TAF3: variants seen among roughly 807,000 people sequenced by gnomAD.
The protein encoded by TAF3 is transcription initiation factor TFIID subunit 3.
TAF3 carries 7 observed loss-of-function variants against 80.6 expected under a neutral mutation model. The ratio of observed to expected loss-of-function variants is 0.09; its 90% confidence interval spans 0.05 to 0.16. The LOEUF (loss-of-function observed/expected upper bound fraction) is 0.16, where lower values mean the gene tolerates loss of function less well. TAF3 is among the 10% of genes least tolerant of loss of function. TAF3 has a pLI of 1.00. For synonymous variants in TAF3, 444 were observed against 446.1 expected, an observed-to-expected ratio of 1.00 and a Z score of 0.06; for missense variants, 921 against 1,140.2, an observed-to-expected ratio of 0.81 and a Z score of 2.77.
intron 2 of TAF3, among the ~76,000 whole-genome samples, chr10:7,831,958 A>G (rs895826875): frequency 6.6e-6 from 1 of 151,994 alleles, no homozygotes; most frequent in African/African-American, 2.4e-5. Flanking sequence ...AAGCGATGTT[A>G]TGTTTTATAA....
intron 2 of TAF3, among the ~76,000 whole-genome samples, chr10:7,832,371 T>A (rs1220369572): frequency 1.3e-5 from 2 of 150,614 alleles, no homozygotes; most frequent in Non-Finnish European, 3.0e-5. Context: ...ATGACAAAAT[T>A]TCCTTCTTTT....
chr10:7,969,256 CTGCACTTCAGCTTGGGCAACAGAG>C (rs1452513213), intron 3 of TAF3, among the ~76,000 whole-genome samples: 7 of 151,990 alleles, frequency 4.6e-5, no homozygotes, highest in Non-Finnish European at 7.4e-5. Flanking sequence ...GATAGCACCA[CTGCACTTCAGCTTGGGCAACAGAG>C]TGAGACCCTG....
chr10:7,931,395 A>T (rs143980172), intron 2 of TAF3, among the ~76,000 whole-genome samples: 125 of 152,240 alleles, frequency 8.2e-4, no homozygotes, highest in African/African-American at 2.9e-3. Context: ...ATTCATTATG[A>T]CAGAGTCCCC....
intron 4 of TAF3, among the ~76,000 whole-genome samples, chr10:7,988,709 A>C (rs896683094): frequency 6.9e-6 from 1 of 144,512 alleles, no homozygotes; most frequent in Non-Finnish European, 1.5e-5. Context: ...TGTGATCACC[A>C]CTGCACTCCA....
rs1002383527 is a variant in TAF3 at position 7,954,226 on chromosome 10, C to A, written c.410-9694C>A. On this transcript the variant is annotated intron_variant, in intron 2 of 6. Transcript: ENST00000344293. ...AGTCCTAGTTAACACAGAGCTCTTC[C>A]TAGTGAGATTCAGAGTGCACTCCAT... 8.7e-5 allele frequency among the ~76,000 whole-genome samples: 11 copies of A among 125,748 alleles called. 2 individuals are homozygous for A. Among genetic ancestry groups the A allele is most frequent in the Admixed American group, 1.6e-4 (2 of 12,166 alleles). The allele number at this position is 125,748 out of a possible 152,430, so 82.5% of individuals were successfully genotyped here.
intron 2 of TAF3, among the ~76,000 whole-genome samples, chr10:7,946,964 A>C (rs1838030872): frequency 6.6e-6 from 1 of 152,160 alleles, no homozygotes; most frequent in Non-Finnish European, 1.5e-5. Context: ...TTCTCGCTAC[A>C]CTGCCCAGGC....
intron 2 of TAF3, among the ~76,000 whole-genome samples, chr10:7,951,344 C>T (rs1015845413): frequency 5.3e-5 from 8 of 152,210 alleles, no homozygotes; most frequent in Non-Finnish European, 7.3e-5. Flanking sequence ...TTCTGCTGGA[C>T]GAGGCTGGGA....
chr10:7,859,033 C>T (rs902163496), intron 2 of TAF3, among the ~76,000 whole-genome samples: 13 of 152,088 alleles, frequency 8.5e-5, no homozygotes, highest in Non-Finnish European at 1.3e-4. Context: ...GAGGCTGAGG[C>T]GGGCAGATCA....
chr10:7,848,799 AATATGCCTTTATATATCT>A (rs1411515797), intron 2 of TAF3, among the ~76,000 whole-genome samples: 1 of 152,192 alleles, frequency 6.6e-6, no homozygotes, highest in Non-Finnish European at 1.5e-5. Flanking sequence ...ACTTTATGCC[AATATGCCTTTATATATCT>A]ATATGCCACA....
chr10:7,979,585 A>G (rs1279320768), intron 4 of TAF3, among the ~76,000 whole-genome samples: 3 of 152,200 alleles, frequency 2.0e-5, no homozygotes, highest in Admixed American at 1.3e-4. Context: ...AGCATATTAT[A>G]TATCATGTAA....
In TAF3 at chr10:7,964,841, C is replaced by T; in HGVS notation, c.1331C>T (p.Thr444Ile). 1 of 1,614,166 alleles carries T rather than the reference C, an allele frequency of 6.2e-7. No individual in the cohort carries two copies. Among genetic ancestry groups the T allele is most frequent in the Non-Finnish European group, 8.5e-7 (1 of 1,180,026 alleles). Residue 444 changes from threonine (T) to isoleucine (I), a missense_variant, in exon 3 of 7, where the codon ACA becomes ATA. Thr to Ile is a moderately conservative substitution (Grantham distance 89, BLOSUM62 -1). Transcript: ENST00000344293. This position sits in a 1 kb window ranked among gnomAD's most constrained non-coding sequence, Gnocchi z 4.1. ...GCTTCCACTTCCGCGAACAATTTCA[C>T]AAAGTCAGGATCCACTCCTCTGCCT... ...PKASTSANNFTKSGSTPLPLS... is the reference protein window; with the variant it reads ...PKASTSANNFIKSGSTPLPLS...
At chr10:7,857,178 T>G (rs2131131589) in intron 2 of TAF3, among the ~76,000 whole-genome samples, 1 of 152,354 alleles carries the variant, frequency 6.6e-6, no homozygotes. Context: ...TGCTTAATGA[T>G]ATGAGTGACT....
intron 3 of TAF3, among the ~76,000 whole-genome samples, chr10:7,971,378 A>G (rs763939099): frequency 2.6e-5 from 4 of 151,810 alleles, no homozygotes; most frequent in African/African-American, 4.8e-5. Flanking sequence ...TTTTTCTAAC[A>G]TACCGGCATA....
At chr10:7,872,004 C>T (rs1052094726) in intron 2 of TAF3, among the ~76,000 whole-genome samples, 9 of 152,200 alleles carry the variant, frequency 5.9e-5, no homozygotes, top group South Asian at 2.1e-4. Flanking sequence ...TTAATCGGGA[C>T]GCTTTTCACA....
chr10:7,823,741 TCTC>T (rs1426506904), intron 1 of TAF3, among the ~76,000 whole-genome samples: 1 of 151,980 alleles, frequency 6.6e-6, no homozygotes, highest in Non-Finnish European at 1.5e-5. Context: ...TTTGAGCAGT[TCTC>T]CTGCCTCAGT....
chr10:8,014,704 A>G lies in TAF3; in HGVS notation c.2743A>G (p.Lys915Glu). 1 of 1,611,094 alleles carries G rather than the reference A, an allele frequency of 6.2e-7. No individual in the cohort carries two copies. Among genetic ancestry groups the G allele is most frequent in the Non-Finnish European group, 8.5e-7 (1 of 1,178,544 alleles). ...GTGGTTCTGCCCCAAGTGTGCGAAC[A>G]AGAAGAAGGACAAAAAGCACAAGAA... Reference protein sequence around the residue: ...MQWFCPKCANKKKDKKHKKRK... With the variant: ...MQWFCPKCANEKKDKKHKKRK... The change falls in exon 7 of 7, where the codon AAG becomes GAG. Residue 915 changes from lysine (K) to glutamate (E), a missense_variant. Coordinates refer to ENST00000344293, the MANE Select transcript of TAF3 (RefSeq NM_031923.4).
intron 2 of TAF3, among the ~76,000 whole-genome samples, chr10:7,888,316 A>G (rs1837428453): frequency 1.3e-5 from 2 of 152,166 alleles, no homozygotes; most frequent in African/African-American, 4.8e-5. Flanking sequence ...TGGTTTCCAG[A>G]GTGATGCACA....
chr10:7,908,746 AG>A (rs1406314130), intron 2 of TAF3, among the ~76,000 whole-genome samples: 19 of 152,264 alleles, frequency 1.2e-4, no homozygotes, highest in Non-Finnish European at 1.5e-4. Flanking sequence ...AAACGTTTAC[AG>A]GGAAACCTGA....
intron 2 of TAF3, among the ~76,000 whole-genome samples, chr10:7,962,114 A>C (rs560575209): frequency 6.6e-6 from 1 of 152,200 alleles, no homozygotes; most frequent in East Asian, 1.9e-4. Context: ...GCCTCCCAAG[A>C]TGTTGGCATT....
Sources: gnomAD v4.1 joint callset for allele counts (sites outside exome capture counted in the v4.1 genomes callset) on GRCh38, gnomAD v4.1.1 for gene constraint, Gnocchi (gnomAD v3.1) non-coding constraint, MANE v1.5 for transcripts, NCBI Gene and HGNC (gene_info 2026-07-23, HGNC 2026-07-21) for gene names.